The following RUNX1 variants were observed in gnomAD, a reference collection of about 807,000 sequenced individuals.
RUNX1 encodes the protein RUNX family transcription factor 1.
In RUNX1, 19 loss-of-function variants were observed where a neutral mutation model predicts 42.8. That is an observed-to-expected ratio of 0.44 (90% confidence interval 0.31 to 0.65). The LOEUF (loss-of-function observed/expected upper bound fraction) is 0.65. RUNX1 is among the 30% of genes least tolerant of loss of function. RUNX1 has a pLI of 0.07. For synonymous variants in RUNX1, 271 were observed against 289.4 expected (o/e 0.94, Z 0.64); for missense variants, 528 against 672.0 (o/e 0.79, Z 2.37).
At chr21:35,015,399 T>G (rs570651215) in intron 2 of RUNX1, among the ~76,000 whole-genome samples, 13 of 152,306 alleles carry the variant, frequency 8.5e-5, no homozygotes, top group Non-Finnish European at 1.6e-4. Flanking sequence ...GAGAAGCTCT[T>G]GAGCATATTT....
chr21:34,936,974 T>TA (rs1433150249), intron 2 of RUNX1, among the ~76,000 whole-genome samples: 1 of 152,168 alleles, frequency 6.6e-6, no homozygotes, highest in East Asian at 1.9e-4. Context: ...AGTATTTATT[T>TA]AAAAAACTCT....
intron 7 of RUNX1, among the ~76,000 whole-genome samples, chr21:34,815,732 G>A (rs2056816406): frequency 6.6e-6 from 1 of 152,174 alleles, no homozygotes; most frequent in Non-Finnish European, 1.5e-5. Context: ...GGTAAATCAT[G>A]CACTCTTACT....
At position 34,882,441 on chromosome 21, in the gene RUNX1, C is replaced by T. The variant is rs570626159; in HGVS notation, c.352-1728G>A. Among the ~76,000 whole-genome samples the T allele has an allele frequency of 2.0e-5, 3 of 152,314 alleles. No homozygotes were observed. In the East Asian group the frequency reaches 5.8e-4, roughly 29 times the overall value. ...CCTCTATTTTATCCAACTTGCACTG[C>T]CAAACAAGGTCTGGGCCTTTTCTCT... On this transcript the variant is annotated intron_variant, in intron 4 of 8. Transcript: ENST00000675419.
At chr21:34,930,620 C>T (rs9982454) in intron 2 of RUNX1, among the ~76,000 whole-genome samples, 22,605 of 151,670 alleles carry the variant, frequency 0.15, 3,372 homozygotes, top group African/African-American at 0.39. Context: ...TCTGTTGCAC[C>T]ACTTAGAGTC....
chr21:34,974,634 C>G (rs958818954), intron 2 of RUNX1, among the ~76,000 whole-genome samples: 1 of 151,700 alleles, frequency 6.6e-6, no homozygotes, highest in Non-Finnish European at 1.5e-5. Flanking sequence ...GAAGACAGCA[C>G]CAGCTTTGTG....
chr21:34,887,087 G>C lies in RUNX1; in HGVS notation c.107C>G (p.Thr36Arg), dbSNP rs2058005989. ...NPSRDVHDAS[T>R]SRRFTPPSTA... ...GGAAGGCGGCGTGAAGCGGCGGCTC[G>C]TGCTGGCATCTACGGGGATACGCAT... The change falls in exon 4 of 9, where the codon ACG becomes AGG. Residue 36 changes from threonine (T) to arginine (R), a missense_variant. This residue lies in a region of RUNX1 where 114 missense variants were observed against 115.0 expected (regional missense o/e 0.99). Transcript: ENST00000675419. 2 of 1,598,282 alleles carry C rather than the reference G, an allele frequency of 1.3e-6. No homozygotes were observed. Among genetic ancestry groups the C allele is most frequent in the Non-Finnish European group, 1.7e-6 (2 of 1,179,830 alleles).
In RUNX1 at chr21:34,792,251, T is replaced by A; in HGVS notation, c.1327A>T (p.Asn443Tyr). The change falls in exon 9 of 9, where the codon AAC (asparagine) becomes TAC (tyrosine). Residue 443 changes from asparagine to tyrosine, a missense_variant. Coordinates refer to ENST00000675419, the MANE Select transcript of RUNX1 (RefSeq NM_001754.5). The surrounding 1 kb of genome is among the most constrained non-coding windows in gnomAD (Gnocchi z 6.9). Reference protein sequence around the residue: ...TNASTGSALLNPSLPNQSDVV... With the variant: ...TNASTGSALLYPSLPNQSDVV... ...TCGCTCTGGTTCGGGAGGCTGGGGT[T>A]GAGCAGCGCGGAGCCGGTGGAGGCG... is the stretch of plus-strand genomic sequence containing the variant. The A allele has an allele frequency of 6.5e-7, 1 of 1,538,080 alleles. No individual in the cohort carries two copies. The highest frequency in any genetic ancestry group is 8.7e-7 in the Non-Finnish European group (1 of 1,146,770).
chr21:34,804,867 G>A (rs370753652), intron 7 of RUNX1, among the ~76,000 whole-genome samples: 9 of 151,154 alleles, frequency 6.0e-5, no homozygotes, highest in African/African-American at 1.9e-4. Context: ...TCAGCCTCCC[G>A]AGTAGCTGGG....
chr21:34,921,629 A>G (rs1266697021), intron 2 of RUNX1, among the ~76,000 whole-genome samples: 1 of 86,480 alleles, frequency 1.2e-5, no homozygotes, highest in African/African-American at 2.9e-5. Context: ...CTCTATTGAC[A>G]TAATCATTTT....
intron 2 of RUNX1, among the ~76,000 whole-genome samples, chr21:35,009,225 C>A (rs1429232107): frequency 6.6e-6 from 1 of 152,166 alleles, no homozygotes; most frequent in African/African-American, 2.4e-5. Flanking sequence ...GCATTTGATG[C>A]GAGGATAAAA....
chr21:34,889,873 C>T (rs2058058646), intron 3 of RUNX1: 3 of 1,078,422 alleles, frequency 2.8e-6, no homozygotes, highest in Non-Finnish European at 3.4e-6. Context: ...CCGGGCCCTG[C>T]ACCTCCCGGG....
In RUNX1 at chr21:35,046,554, A is replaced by T. The variant is rs148890476; in HGVS notation, c.58+2288T>A. On this transcript the variant is annotated intron_variant, in intron 2 of 8. Transcript: ENST00000675419. Reference sequence around the variant, plus strand: ...GGCAACAGGCTGAGAACTCTGGGGGAGAGCCATTTGTTGGCAGGGATGGTG... The same window carrying T: ...GGCAACAGGCTGAGAACTCTGGGGGTGAGCCATTTGTTGGCAGGGATGGTG... Among the ~76,000 whole-genome samples the T allele has an allele frequency of 8.4e-3, 1,280 of 152,296 alleles. 17 individuals are homozygous for T. Among genetic ancestry groups the T allele is most frequent in the African/African-American group, 0.029 (1,226 of 41,560 alleles).
Position 34,788,206 on chromosome 21 carries a change from C to A in RUNX1, c.*3929G>T, listed in dbSNP as rs2056392247. ...GTGACCAAACCCAATAACTGCCACA[C>A]AAATAGACCCTAGGTGGGGGCTGGC... is the stretch of plus-strand genomic sequence containing the variant. On this transcript the variant is annotated 3_prime_UTR_variant, in exon 9 of 9. Coordinates refer to ENST00000675419, the MANE Select transcript of RUNX1 (RefSeq NM_001754.5). 1.7e-5 allele frequency: 4 copies of A among 233,604 alleles called. No individual in the cohort carries two copies. Among genetic ancestry groups the A allele is most frequent in the East Asian group, 6.0e-5 (1 of 16,576 alleles). 14.5% of individuals were successfully genotyped at this position (233,604 alleles called of 1,614,324 possible).
At chr21:34,873,297 A>G (rs752953537) in intron 5 of RUNX1, among the ~76,000 whole-genome samples, 1 of 152,138 alleles carries the variant, frequency 6.6e-6, no homozygotes, top group Non-Finnish European at 1.5e-5. Flanking sequence ...CGGTGACTCA[A>G]TTAGGGCCAT....
intron 2 of RUNX1, among the ~76,000 whole-genome samples, chr21:34,979,093 C>G (rs933520527): frequency 3.3e-5 from 5 of 152,124 alleles, no homozygotes; most frequent in African/African-American, 1.2e-4. Flanking sequence ...ACTCTGAGCC[C>G]TGAAGGCTCC....
At chr21:34,802,668 T>G (rs1472273609) in intron 7 of RUNX1, among the ~76,000 whole-genome samples, 10 of 152,178 alleles carry the variant, frequency 6.6e-5, no homozygotes, top group Admixed American at 6.5e-4. Context: ...GCTGCCTAAT[T>G]TGGACTTGCA....
intron 2 of RUNX1, among the ~76,000 whole-genome samples, chr21:34,929,802 T>A (rs2058425987): frequency 6.6e-6 from 1 of 152,174 alleles, no homozygotes; most frequent in African/African-American, 2.4e-5. Flanking sequence ...CTATCCTTTT[T>A]AACACACACA....
Position 34,858,497 on chromosome 21 carries a change from T to C in RUNX1, c.613+977A>G, listed in dbSNP as rs117242410. Among the ~76,000 whole-genome samples the C allele has an allele frequency of 5.0e-3, 756 of 152,328 alleles. 14 individuals carry two copies. The South Asian group carries it at 0.054, about 11-fold the overall frequency. On this transcript the variant is annotated intron_variant, in intron 6 of 8. Transcript: ENST00000675419. ...GAAAGTGAGGTTCAGCAAGGCTCTG[T>C]AGCTCACTGAAGGCTTAAGAATTCC...
At chr21:34,809,825 G>A (rs1443316523) in intron 7 of RUNX1, among the ~76,000 whole-genome samples, 1 of 151,994 alleles carries the variant, frequency 6.6e-6, no homozygotes, top group Non-Finnish European at 1.5e-5. Flanking sequence ...GTGTCAGCAC[G>A]CAAGAAAAAA....
Sources: gnomAD v4.1 joint callset for allele counts (sites outside exome capture counted in the v4.1 genomes callset) on GRCh38, gnomAD v4.1.1 for gene constraint, gnomAD v4.1.1 regional missense constraint, Gnocchi (gnomAD v3.1) non-coding constraint, MANE v1.5 for transcripts, NCBI Gene and HGNC (gene_info 2026-07-23, HGNC 2026-07-21) for gene names.